The following TNRC6A variants were observed in gnomAD, a reference collection of about 807,000 sequenced individuals.
The protein encoded by TNRC6A is trinucleotide repeat containing adaptor 6A, also known as trinucleotide repeat-containing gene 6A protein.
A neutral mutation model predicts 221.2 loss-of-function variants in TNRC6A; 44 were observed. The observed-to-expected ratio is 0.20, with a 90% CI of 0.16 to 0.26. The LOEUF (loss-of-function observed/expected upper bound fraction) is 0.26. Among genes scored for constraint, TNRC6A ranks in the 10% least tolerant of loss-of-function variants. The pLI, the probability that TNRC6A is intolerant of heterozygous loss-of-function variation, is 1.00. For synonymous variants in TNRC6A, 847 were observed against 838.5 expected, an observed-to-expected ratio of 1.01 and a Z score of -0.18; for missense variants, 2,199 against 2,404.4, an observed-to-expected ratio of 0.91 and a Z score of 1.79.
Position 24,660,606 on chromosome 16 carries a change from CCTAA to C in TNRC6A, n.402+19600_402+19603del, listed in dbSNP as rs745797238. Reference sequence around the variant, plus strand: ...TTGTGTTCTCACATTGAAGCTTTAGCCTAACTCTTAGTGCCCTTTGTCATTATAA... The same window carrying C: ...TTGTGTTCTCACATTGAAGCTTTAGCCTCTTAGTGCCCTTTGTCATTATAA... On this transcript the variant is annotated intron_variant and non_coding_transcript_variant, in intron 2 of 2. Coordinates refer to the TNRC6A transcript ENST00000566108. 6.5e-3 allele frequency among the ~76,000 whole-genome samples: 984 copies of C among 152,036 alleles called. 14 individuals carry two copies. Among genetic ancestry groups the C allele is most frequent in the African/African-American group, 0.022 (922 of 41,416 alleles).
intron 2 of TNRC6A, among the ~76,000 whole-genome samples, chr16:24,666,033 A>C (rs962869380): frequency 2.0e-5 from 3 of 152,146 alleles, no homozygotes; most frequent in Non-Finnish European, 4.4e-5. Flanking sequence ...ATGATGTTCA[A>C]GAGAATAAGT....
rs1900340804 is a variant in TNRC6A, at chr16:24,616,309, C to A, written n.276+5825C>A. On this transcript the variant is annotated intron_variant and non_coding_transcript_variant, in intron 1 of 2. Coordinates refer to the TNRC6A transcript ENST00000566108. ...CCACTGCACTCCAGCCTGGGAGACA[C>A]AGCGAGATGCTGTCTCAAAAAAAAA... Among the ~76,000 whole-genome samples the A allele has an allele frequency of 2.5e-5, 3 of 122,102 alleles. No homozygotes were observed. The South Asian group carries it at 7.8e-4, about 32-fold the overall frequency. 80.1% of individuals were successfully genotyped at this position (122,102 alleles called of 152,430 possible).
chr16:24,822,255 C>A, intron 23 of TNRC6A, 108 bp downstream of exon 23: 2 of 1,048,212 alleles, frequency 1.9e-6, no homozygotes. Context: ...TGAAGCCGAG[C>A]AGAGGAAACA....
chr16:24,643,340 C>G (rs1396506812), intron 2 of TNRC6A, among the ~76,000 whole-genome samples: 1 of 151,464 alleles, frequency 6.6e-6, no homozygotes, highest in Admixed American at 6.6e-5. Flanking sequence ...GGTGCTTTTT[C>G]TTTAATTAAC....
At chr16:24,610,979 T>G (rs1488956829) in intron 1 of TNRC6A, among the ~76,000 whole-genome samples, 1 of 151,832 alleles carries the variant, frequency 6.6e-6, no homozygotes. Flanking sequence ...CCCGTCTAAT[T>G]TTTTTGTATT....
chr16:24,791,475 G>T lies in TNRC6A; in HGVS notation c.2833G>T (p.Asp945Tyr), dbSNP rs775018218. The T allele has an allele frequency of 1.1e-5, 17 of 1,532,478 alleles. No individual in the cohort carries two copies. The highest frequency in any genetic ancestry group is 1.4e-5 in the African/African-American group (1 of 72,084). 94.9% of individuals were successfully genotyped at this position (1,532,478 alleles called of 1,614,324 possible). A position where few individuals can be genotyped will look rare whatever the true frequency, so the allele number is the denominator to read the frequency against. ...TTCGTCAAAGCCAGTCAGCTCTCCA[G>T]ACTGGAACAAGCAACAAGACATTGT... Reference protein sequence around the residue: ...GDSSKPVSSPDWNKQQDIVGS... With the variant: ...GDSSKPVSSPYWNKQQDIVGS... The change falls in exon 6 of 25, where the codon GAC becomes TAC. Residue 945 changes from aspartate to tyrosine, a missense_variant. Physicochemically the swap from Asp to Tyr is radical, Grantham distance 160. Around this residue, in one of 8 missense-constraint regions of TNRC6A, gnomAD observed 1,405 missense variants for 1,400.2 expected, o/e 1.00. Coordinates refer to ENST00000395799, the MANE Select transcript of TNRC6A (RefSeq NM_014494.4).
chr16:24,668,908 C>A (rs2055230711), intron 2 of TNRC6A, among the ~76,000 whole-genome samples: 1 of 152,098 alleles, frequency 6.6e-6, no homozygotes, highest in African/African-American at 2.4e-5. Context: ...GAGCCTGAGT[C>A]TCTGAAAGTT....
intron 1 of TNRC6A, among the ~76,000 whole-genome samples, chr16:24,626,558 T>C (rs1901001864): frequency 6.6e-6 from 1 of 152,012 alleles, no homozygotes; most frequent in South Asian, 2.1e-4. Flanking sequence ...TCTGATGAAA[T>C]CGTAGCTCCA....
At chr16:24,646,542 G>A (rs1244367624) in intron 2 of TNRC6A, among the ~76,000 whole-genome samples, 12 of 152,166 alleles carry the variant, frequency 7.9e-5, no homozygotes, top group Admixed American at 7.9e-4. Context: ...GAAGCAATAA[G>A]GGAAACATCA....
intron 1 of TNRC6A, among the ~76,000 whole-genome samples, chr16:24,618,073 T>G (rs189449808): frequency 5.9e-5 from 9 of 151,874 alleles, no homozygotes; most frequent in Non-Finnish European, 1.3e-4. Flanking sequence ...AATTTTTGTG[T>G]TTTTTTATTT....
chr16:24,725,722 G>A (rs920544946), upstream of TNRC6A, among the ~76,000 whole-genome samples: 10 of 151,648 alleles, frequency 6.6e-5, no homozygotes, highest in Admixed American at 2.6e-4. Flanking sequence ...AAAAAAAATC[G>A]GCCAGGCACG....
intron 4 of TNRC6A, among the ~76,000 whole-genome samples, chr16:24,773,550 ACATG>A (rs2057657364): frequency 6.6e-6 from 1 of 152,246 alleles, no homozygotes. Context: ...GCACGCGTGT[ACATG>A]CATGCATGCA....
At chr16:24,772,346 G>A (rs79357711) in intron 4 of TNRC6A, among the ~76,000 whole-genome samples, 1,625 of 152,210 alleles carry the variant, frequency 0.011, 36 homozygotes, top group African/African-American at 0.037. Context: ...TTAGAGATAC[G>A]TGTTTCTTTT....
rs1314067826 is a variant in TNRC6A, at chr16:24,825,299, C to A, written c.*1492C>A. 6.6e-6 allele frequency: 1 copy of A among 152,600 alleles called. No homozygotes were observed. The highest frequency in any genetic ancestry group is 1.9e-4 in the East Asian group (1 of 5,202). 9.5% of individuals were successfully genotyped at this position (152,600 alleles called of 1,614,324 possible). A position where few individuals can be genotyped will look rare whatever the true frequency, so the allele number is the denominator to read the frequency against. On this transcript the variant is annotated 3_prime_UTR_variant, in exon 25 of 25. Transcript: ENST00000395799. Reference sequence around the variant, plus strand: ...AACAGTACAGAATTTGCCATCATATCATTGCCTTGATTCTAACTGTTTGTG... The same window carrying A: ...AACAGTACAGAATTTGCCATCATATAATTGCCTTGATTCTAACTGTTTGTG...
Position 24,823,119 on chromosome 16 carries a change from T to C in TNRC6A, c.5513+106T>C, listed in dbSNP as rs2058800562. 1 of 1,461,364 alleles carries C rather than the reference T, an allele frequency of 6.8e-7. No homozygotes were observed. The highest frequency in any genetic ancestry group is 2.3e-5 in the East Asian group (1 of 43,966). 90.5% of individuals were successfully genotyped at this position (1,461,364 alleles called of 1,614,324 possible). On this transcript the variant is annotated intron_variant, in intron 24 of 24. Transcript: ENST00000395799. The surrounding 1 kb of genome is among the most constrained non-coding windows in gnomAD (Gnocchi z 4.3). ...AGGGTCCTGCGTGGGTGGCTCCTGC[T>C]GGCTGCAGTAGTGCCCTGATTCCAA...
intron 2 of TNRC6A, among the ~76,000 whole-genome samples, chr16:24,651,479 G>A (rs1353024083): frequency 6.7e-6 from 1 of 149,234 alleles, no homozygotes; most frequent in Admixed American, 6.8e-5. Context: ...CGGAGGTTGC[G>A]GTGAGCTGAG....
chr16:24,635,262 T>C (rs888241257), intron 1 of TNRC6A, among the ~76,000 whole-genome samples: 2 of 151,648 alleles, frequency 1.3e-5, no homozygotes, highest in African/African-American at 4.8e-5. Context: ...TTCATAAGAT[T>C]CTGCACGTTT....
In TNRC6A at chr16:24,706,099, C is replaced by T. The variant is rs968845195; in HGVS notation, n.403-44627C>T. Among the ~76,000 whole-genome samples the T allele has an allele frequency of 2.0e-5, 3 of 152,134 alleles. No homozygotes were observed. The South Asian group carries it at 6.2e-4, about 32-fold the overall frequency. On this transcript the variant is annotated intron_variant and non_coding_transcript_variant, in intron 2 of 2. Coordinates refer to the TNRC6A transcript ENST00000566108. ...GTACTTAAAATAGCACCAACGCTCA[C>T]ACTTACAACATCAGCAACAACAAAA...
upstream of TNRC6A, among the ~76,000 whole-genome samples, chr16:24,725,770 G>C (rs1422874116): frequency 2.0e-5 from 3 of 151,922 alleles, no homozygotes; most frequent in Non-Finnish European, 4.4e-5. Flanking sequence ...GGTAGGCCGA[G>C]GCGGGTGATC....
Sources: allele counts gnomAD v4.1 joint callset (sites outside exome capture counted in the v4.1 genomes callset), GRCh38; gene constraint gnomAD v4.1.1; regional missense constraint gnomAD v4.1.1; non-coding constraint Gnocchi (gnomAD v3.1); transcripts MANE v1.5; gene names NCBI Gene and HGNC (gene_info 2026-07-23, HGNC 2026-07-21).